The following SH3RF3 variants were observed in gnomAD, a reference collection of about 807,000 sequenced individuals.
SH3RF3 encodes SH3 domain containing ring finger 3, also known as E3 ubiquitin-protein ligase SH3RF3.
In SH3RF3, 29 loss-of-function variants were observed where a neutral mutation model predicts 66.3. The observed-to-expected ratio is 0.44, with a 90% CI of 0.33 to 0.60. SH3RF3 has a LOEUF of 0.60. Among genes scored for constraint, SH3RF3 ranks in the 20% least tolerant of loss-of-function variants. The pLI is 0.04. For missense variants in SH3RF3, 1,194 were observed against 1,190.9 expected, an observed-to-expected ratio of 1.00 and a Z score of -0.04; for synonymous variants, 583 against 532.0, an observed-to-expected ratio of 1.10 and a Z score of -1.32.
intron 4 of SH3RF3, among the ~76,000 whole-genome samples, chr2:109,414,508 C>A (rs10202141): frequency 0.54 from 82,055 of 151,900 alleles, 22,459 homozygotes; most frequent in South Asian, 0.64. Flanking sequence ...ACACGAGGAG[C>A]AATCAGAGGC....
At chr2:109,352,780 T>A (rs966798130) in intron 2 of SH3RF3, among the ~76,000 whole-genome samples, 4 of 152,202 alleles carry the variant, frequency 2.6e-5, no homozygotes, top group Non-Finnish European at 5.9e-5. Context: ...GAGGCTCAAC[T>A]CGCAGGGCAC....
chr2:109,137,524 C>T (rs1676840092), intron 1 of SH3RF3, among the ~76,000 whole-genome samples: 1 of 152,226 alleles, frequency 6.6e-6, no homozygotes, highest in Non-Finnish European at 1.5e-5. Flanking sequence ...AGCACGTTTT[C>T]TGAAGATTCT....
intron 5 of SH3RF3, among the ~76,000 whole-genome samples, chr2:109,424,590 CTTA>C (rs1676981007): frequency 6.6e-6 from 1 of 152,172 alleles, no homozygotes; most frequent in African/African-American, 2.4e-5. Context: ...TTCGGTAATT[CTTA>C]TAATATTTCA....
intron 4 of SH3RF3, among the ~76,000 whole-genome samples, chr2:109,400,712 A>G (rs1559063425): frequency 1.3e-5 from 2 of 152,118 alleles, no homozygotes; most frequent in South Asian, 2.1e-4. Flanking sequence ...ATATGTGTGC[A>G]CACACACAAA....
intron 7 of SH3RF3, among the ~76,000 whole-genome samples, chr2:109,445,905 C>T (rs1677692427): frequency 6.6e-6 from 1 of 152,034 alleles, no homozygotes; most frequent in Admixed American, 6.6e-5. Flanking sequence ...ATACTAGGGA[C>T]ATAGAATGAA....
At chr2:109,479,346 G>A (rs956555614) in intron 8 of SH3RF3, among the ~76,000 whole-genome samples, 2 of 152,192 alleles carry the variant, frequency 1.3e-5, no homozygotes, top group Admixed American at 6.5e-5. Context: ...GAGACACAGT[G>A]TTGTGGCTGT....
intron 1 of SH3RF3, among the ~76,000 whole-genome samples, chr2:109,224,088 A>C (rs1045396196): frequency 1.3e-5 from 2 of 152,234 alleles, no homozygotes; most frequent in Non-Finnish European, 2.9e-5. Context: ...GGGTTTACCT[A>C]GCCTCGCCCC....
intron 1 of SH3RF3, among the ~76,000 whole-genome samples, chr2:109,287,682 G>A (rs1424604549): frequency 2.6e-5 from 4 of 152,266 alleles, no homozygotes; most frequent in South Asian, 2.1e-4. Context: ...GCCCTCCCTC[G>A]GATCCTATCA....
At chr2:109,249,215 TC>T (rs561604131) in intron 1 of SH3RF3, among the ~76,000 whole-genome samples, 2 of 151,938 alleles carry the variant, frequency 1.3e-5, no homozygotes, top group African/African-American at 4.8e-5. Context: ...GCTAAGCAAC[TC>T]CCCCCCGACT....
intron 5 of SH3RF3, among the ~76,000 whole-genome samples, chr2:109,426,201 G>A (rs1340606115): frequency 3.3e-5 from 5 of 152,188 alleles, no homozygotes; most frequent in Admixed American, 1.3e-4. Context: ...GAGCCACTGC[G>A]CCCGGCCAAG....
chr2:109,455,260 G>T (rs568078069), intron 8 of SH3RF3, among the ~76,000 whole-genome samples: 3 of 152,124 alleles, frequency 2.0e-5, no homozygotes, highest in Admixed American at 6.5e-5. Context: ...GCTGGCCTTG[G>T]GGGGAGAAAG....
intron 5 of SH3RF3, among the ~76,000 whole-genome samples, chr2:109,419,991 G>T (rs969820283): frequency 7.2e-5 from 11 of 152,218 alleles, no homozygotes; most frequent in African/African-American, 2.7e-4. Context: ...GGAAGCAGGT[G>T]CGCAGAGCAG....
At chr2:109,420,842 A>C (rs1482597317) in intron 5 of SH3RF3, among the ~76,000 whole-genome samples, 1 of 152,094 alleles carries the variant, frequency 6.6e-6, no homozygotes, top group Non-Finnish European at 1.5e-5. Flanking sequence ...ACACTCACCC[A>C]CCTCTAAGCC....
At chr2:109,461,770 A>G (rs956409345) in intron 8 of SH3RF3, among the ~76,000 whole-genome samples, 1 of 152,246 alleles carries the variant, frequency 6.6e-6, no homozygotes, top group Non-Finnish European at 1.5e-5. Context: ...ATGTGGCCCA[A>G]GTGGTAGAGC....
chr2:109,347,970 G>T (rs763761167), intron 2 of SH3RF3, 21 bp downstream of exon 2: 31 of 1,578,826 alleles, frequency 2.0e-5, no homozygotes, highest in Non-Finnish European at 2.5e-5. Context: ...CCCCGGGGTG[G>T]GCCCCGCCAG....
chr2:109,296,312 C>A (rs891884602), intron 1 of SH3RF3, among the ~76,000 whole-genome samples: 1 of 152,116 alleles, frequency 6.6e-6, no homozygotes, highest in African/African-American at 2.4e-5. Context: ...ACTGCAACCC[C>A]TGCCTCCCAG....
intron 1 of SH3RF3, among the ~76,000 whole-genome samples, chr2:109,263,065 C>G (rs963137954): frequency 7.2e-5 from 11 of 152,056 alleles, no homozygotes; most frequent in Non-Finnish European, 1.5e-4. Flanking sequence ...AGGCTGGTCT[C>G]GAACTCCTGA....
At chr2:109,425,592 T>A (rs976489003) in intron 5 of SH3RF3, among the ~76,000 whole-genome samples, 6 of 152,198 alleles carry the variant, frequency 3.9e-5, no homozygotes, top group African/African-American at 1.2e-4. Flanking sequence ...CTAAATCTAC[T>A]CTGCCTGTGC....
At chr2:109,298,268 G>A (rs1382969410) in intron 1 of SH3RF3, among the ~76,000 whole-genome samples, 1 of 152,000 alleles carries the variant, frequency 6.6e-6, no homozygotes, top group Non-Finnish European at 1.5e-5. Flanking sequence ...ATGTCCCCGA[G>A]GAGCAGAGAG....
Sources: allele counts gnomAD v4.1 joint callset (sites outside exome capture counted in the v4.1 genomes callset), GRCh38; gene constraint gnomAD v4.1.1; transcripts MANE v1.5; gene names NCBI Gene and HGNC (gene_info 2026-07-23, HGNC 2026-07-21).